SETD3: variants seen among roughly 807,000 people sequenced by gnomAD.
SETD3 encodes SET domain containing 3, actin N3(tau)-histidine methyltransferase, also known as actin-histidine N-methyltransferase.
SETD3 carries 19 observed loss-of-function variants against 63.0 expected under a neutral mutation model. The observed-to-expected ratio is 0.30, with a 90% CI of 0.21 to 0.44. SETD3 has a LOEUF of 0.44. Among genes scored for constraint, SETD3 ranks in the 20% least tolerant of loss-of-function variants. The pLI is 1.00. For missense variants in SETD3, 587 were observed against 728.5 expected, an observed-to-expected ratio of 0.81 and a Z score of 2.24; for synonymous variants, 286 against 264.1, an observed-to-expected ratio of 1.08 and a Z score of -0.80.
At chr14:99,460,535 C>G (rs960447277) in intron 4 of SETD3, among the ~76,000 whole-genome samples, 4 of 152,014 alleles carry the variant, frequency 2.6e-5, no homozygotes, top group African/African-American at 9.7e-5. Flanking sequence ...TAGCTCCCAT[C>G]GAGAAAAAGG....
At chr14:99,470,023 C>T (rs994515402) in intron 1 of SETD3, among the ~76,000 whole-genome samples, 2 of 151,986 alleles carry the variant, frequency 1.3e-5, no homozygotes, top group Admixed American at 6.6e-5. Context: ...TAATGCGTAA[C>T]CTCCCTAGCA....
At chr14:99,422,262 T>C (rs1050034295) in intron 6 of SETD3, among the ~76,000 whole-genome samples, 2 of 152,240 alleles carry the variant, frequency 1.3e-5, no homozygotes, top group Admixed American at 1.3e-4. Context: ...GCCACATCGA[T>C]GTCCCAACAA....
chr14:99,402,193 C>G (rs767876487), intron 11 of SETD3, among the ~76,000 whole-genome samples: 3 of 152,196 alleles, frequency 2.0e-5, no homozygotes, highest in Non-Finnish European at 2.9e-5. Context: ...CTTGTCCAAA[C>G]AGTCGCTGAG....
chr14:99,484,708 T>TA (rs1896440564), upstream of SETD3, among the ~76,000 whole-genome samples: 1 of 152,224 alleles, frequency 6.6e-6, no homozygotes. Flanking sequence ...CAGTTATTGA[T>TA]ACCCAGCAAT....
At chr14:99,428,871 G>A (rs1298660739) in intron 6 of SETD3, among the ~76,000 whole-genome samples, 1 of 152,128 alleles carries the variant, frequency 6.6e-6, no homozygotes, top group Non-Finnish European at 1.5e-5. Flanking sequence ...CACACCTTCA[G>A]ATGAGACCAC....
Position 99,398,905 on chromosome 14 carries a change from G to T in SETD3, c.1559C>A (p.Pro520His). 6.2e-7 allele frequency: 1 copy of T among 1,614,068 alleles called. No homozygotes were observed. The highest frequency in any genetic ancestry group is 2.2e-5 in the East Asian group (1 of 44,878). The change falls in exon 13 of 13, where the codon CCC becomes CAC. Residue 520 changes from proline to histidine, a missense_variant. Transcript: ENST00000331768. Reference sequence around the variant, plus strand: ...CTCCTCGAGGTTTCTCAAGACCAGGGGGAGCCTCGAGTCCCCCACGCTGCT... The same window carrying T: ...CTCCTCGAGGTTTCTCAAGACCAGGTGGAGCCTCGAGTCCCCCACGCTGCT... ...LESSVGDSRL[P>H]LVLRNLEEEA...
intron 6 of SETD3, among the ~76,000 whole-genome samples, chr14:99,440,540 G>C (rs1307331404): frequency 2.0e-5 from 3 of 152,172 alleles, no homozygotes; most frequent in Non-Finnish European, 2.9e-5. Context: ...CACTGGAACA[G>C]CTCAGAGAGC....
intron 6 of SETD3, among the ~76,000 whole-genome samples, chr14:99,416,508 T>A (rs1396050904): frequency 6.6e-6 from 1 of 152,206 alleles, no homozygotes; most frequent in Non-Finnish European, 1.5e-5. Flanking sequence ...AAACGTACTC[T>A]CTGCAGCCAA....
At chr14:99,461,049 A>G in intron 4 of SETD3, 143 bp downstream of exon 4, 3 of 950,896 alleles carry the variant, frequency 3.2e-6, no homozygotes, top group Non-Finnish European at 4.8e-6. Context: ...CATGAGCCCA[A>G]GGCCCTTCCA....
At chr14:99,460,174 G>T (rs1894991268) in intron 4 of SETD3, among the ~76,000 whole-genome samples, 1 of 151,982 alleles carries the variant, frequency 6.6e-6, no homozygotes, top group Non-Finnish European at 1.5e-5. Context: ...TTTTTTGGAA[G>T]CAAGATACTA....
chr14:99,439,413 T>C (rs1893663676), intron 6 of SETD3, among the ~76,000 whole-genome samples: 1 of 152,190 alleles, frequency 6.6e-6, no homozygotes, highest in Admixed American at 6.5e-5. Context: ...TTACCACTTT[T>C]GCTCGTCAAC....
At chr14:99,452,079 G>A (rs932962030) in intron 6 of SETD3, among the ~76,000 whole-genome samples, 2 of 152,168 alleles carry the variant, frequency 1.3e-5, no homozygotes, top group African/African-American at 4.8e-5. Flanking sequence ...AGTTAGAGCA[G>A]GGGCCCAGAA....
intron 6 of SETD3, among the ~76,000 whole-genome samples, chr14:99,450,172 G>A (rs978477462): frequency 6.6e-6 from 1 of 152,220 alleles, no homozygotes; most frequent in Non-Finnish European, 1.5e-5. Context: ...GTATGCTACT[G>A]AGCGTCTAAA....
At chr14:99,436,789 G>C (rs1477803351) in intron 6 of SETD3, among the ~76,000 whole-genome samples, 2 of 152,140 alleles carry the variant, frequency 1.3e-5, no homozygotes, top group Non-Finnish European at 2.9e-5. Flanking sequence ...CCCCACACAG[G>C]AGCTGTATTT....
At chr14:99,407,791 G>A (rs1196147944) in intron 8 of SETD3, among the ~76,000 whole-genome samples, 1 of 152,068 alleles carries the variant, frequency 6.6e-6, no homozygotes, top group Non-Finnish European at 1.5e-5. Flanking sequence ...CGTTATCTGT[G>A]CACCTGCCTC....
rs556287218 is a variant in SETD3, at chr14:99,403,396, T to C, written c.1177+829A>G. 6.6e-5 allele frequency among the ~76,000 whole-genome samples: 10 copies of C among 151,960 alleles called. No individual in the cohort carries two copies. In the East Asian group the frequency reaches 1.7e-3, roughly 26 times the overall value. On this transcript the variant is annotated intron_variant, in intron 11 of 12. Coordinates refer to ENST00000331768, the MANE Select transcript of SETD3 (RefSeq NM_032233.3). The stretch of plus-strand genomic sequence containing the variant: ...ACTCATTCCTACTCAGACTGTTCTG[T>C]ACAGGATTTAAGGTAGTTAACAACA...
In SETD3 at chr14:99,413,859, TCA is replaced by T; in HGVS notation, c.734+15_734+16del. The T allele has an allele frequency of 6.2e-7, 1 of 1,613,606 alleles. No homozygotes were observed. Among genetic ancestry groups the T allele is most frequent in the Non-Finnish European group, 8.5e-7 (1 of 1,179,602 alleles). On this transcript the variant is annotated intron_variant, in intron 7 of 12. Coordinates refer to ENST00000331768, the MANE Select transcript of SETD3 (RefSeq NM_032233.3). Reference sequence around the variant, plus strand: ...AACCACCCTCAATACACAGACACACTCACAGCCCACACCAACCTGTAGTCCTC... The same window carrying T: ...AACCACCCTCAATACACAGACACACTCAGCCCACACCAACCTGTAGTCCTC...
chr14:99,400,104 T>A lies in SETD3; in HGVS notation c.1333A>T (p.Ile445Phe). Reference sequence around the variant, plus strand: ...CATTTATTTAGTGTAATTACCTCAATAGTTGTTTTATATGTTTTTAAAAGA... The same window carrying A: ...CATTTATTTAGTGTAATTACCTCAAAAGTTGTTTTATATGTTTTTAAAAGA... ...SLLLKTYKTT[I>F]EEDKSVLKNH... The change falls in exon 12 of 13, where the codon ATT becomes TTT. Residue 445 changes from isoleucine to phenylalanine, a missense_variant. By Grantham distance (21) the Ile-to-Phe change is conservative. Coordinates refer to ENST00000331768, the MANE Select transcript of SETD3 (RefSeq NM_032233.3). 6.2e-7 allele frequency: 1 copy of A among 1,609,286 alleles called. No homozygotes were observed. Among genetic ancestry groups the A allele is most frequent in the Non-Finnish European group, 8.5e-7 (1 of 1,177,892 alleles).
Position 99,461,260 on chromosome 14 carries a change from C to A in SETD3, c.277G>T (p.Val93Phe). ...AAGTTAACCATTTCAAAACCCTCGA[C>A]AGAAGCCCCATTTTCAGAGGCCCAT... Reference protein sequence around the residue: ...MKWASENGASVEGFEMVNFKE... With the variant: ...MKWASENGASFEGFEMVNFKE... The change falls in exon 4 of 13, where the codon GTC becomes TTC. Residue 93 changes from valine (V) to phenylalanine (F), a missense_variant. Transcript: ENST00000331768. The A allele has an allele frequency of 6.2e-7, 1 of 1,614,244 alleles. No homozygotes were observed. The highest frequency in any genetic ancestry group is 1.1e-5 in the South Asian group (1 of 91,090).
Sources: allele counts gnomAD v4.1 joint callset (sites outside exome capture counted in the v4.1 genomes callset), GRCh38; gene constraint gnomAD v4.1.1; transcripts MANE v1.5; gene names NCBI Gene and HGNC (gene_info 2026-07-23, HGNC 2026-07-21).